Variants in SENP6 observed in about 807,000 individuals in gnomAD.
SENP6 encodes the protein sentrin-specific protease 6.
In SENP6, 41 loss-of-function variants were observed where a neutral mutation model predicts 134.5. The ratio of observed to expected loss-of-function variants is 0.30; its 90% CI spans 0.24 to 0.40. SENP6 has a LOEUF of 0.40. Ranked by LOEUF, SENP6 falls within the 10% of genes least tolerant of loss-of-function variation. The pLI is 1.00. For synonymous variants in SENP6, 395 were observed against 429.8 expected (o/e 0.92, Z 1.00); for missense variants, 1,248 against 1,312.5 (o/e 0.95, Z 0.76).
intron 23 of SENP6, among the ~76,000 whole-genome samples, chr6:75,714,581 T>C (rs1438161010): frequency 6.6e-6 from 1 of 152,198 alleles, no homozygotes; most frequent in African/African-American, 2.4e-5. Context: ...CTGCTTTAAA[T>C]CTTATAGTGG....
Position 75,718,055 on chromosome 6 carries a change from T to C in SENP6, c.*2461T>C, listed in dbSNP as rs1776088039. 6.6e-6 allele frequency: 1 copy of C among 152,160 alleles called. No individual in the cohort carries two copies. The highest frequency in any genetic ancestry group is 2.1e-4 in the South Asian group (1 of 4,828). 9.4% of individuals were successfully genotyped at this position (152,160 alleles called of 1,614,324 possible). On this transcript the variant is annotated 3_prime_UTR_variant, in exon 24 of 24. Coordinates refer to ENST00000447266, the MANE Select transcript of SENP6 (RefSeq NM_015571.4). ...AACTTGTGCTTAAACTTTTAGTCAA[T>C]TAAATGTAGGAGGTTTTATTTGAAA...
At chr6:75,693,607 G>T (rs939339493) in intron 16 of SENP6, among the ~76,000 whole-genome samples, 2 of 152,120 alleles carry the variant, frequency 1.3e-5, no homozygotes, top group African/African-American at 4.8e-5. Flanking sequence ...ATTATCTTCT[G>T]TAGGGGCACA....
At chr6:75,645,574 G>T (rs893713193) in intron 6 of SENP6, among the ~76,000 whole-genome samples, 2 of 152,070 alleles carry the variant, frequency 1.3e-5, no homozygotes, top group African/African-American at 2.4e-5. Flanking sequence ...CCAAGATTGC[G>T]CACGCTACTG....
chr6:75,663,555 A>G (rs1771941048), intron 9 of SENP6, 37 bp downstream of exon 9: 6 of 1,495,580 alleles, frequency 4.0e-6, no homozygotes, highest in African/African-American at 2.8e-5. Flanking sequence ...GCTTATATCA[A>G]TCCAGTATTT....
In SENP6 at chr6:75,677,134, A is replaced by G. The variant is rs561416792; in HGVS notation, c.1726A>G (p.Ile576Val). Residue 576 changes from isoleucine (I) to valine (V), a missense_variant, in exon 14 of 24, where the codon ATC (isoleucine) becomes GTC (valine). Physicochemically the swap from Ile to Val is conservative, Grantham distance 29. This residue lies in a region of SENP6 where 733 missense variants were observed against 725.4 expected (regional missense o/e 1.01). Transcript: ENST00000447266. ...TAATGAAATTGGTATAAAGAATAACATCTCCAATTTTTTTGCGAAAATTCC... is the reference window on the plus strand; with the variant it reads ...TAATGAAATTGGTATAAAGAATAACGTCTCCAATTTTTTTGCGAAAATTCC... The part of the protein sequence containing the change: ...IINEIGIKNN[I>V]SNFFAKIPFE... The G allele has an allele frequency of 5.0e-6, 8 of 1,611,114 alleles. No individual in the cohort carries two copies. The highest frequency in any genetic ancestry group is 6.8e-6 in the Non-Finnish European group (8 of 1,177,766).
chr6:75,713,400 A>G (rs1382885054), intron 21 of SENP6, 113 bp from the exon 22 acceptor site: 30 of 855,942 alleles, frequency 3.5e-5, no homozygotes, highest in Non-Finnish European at 5.2e-5. Flanking sequence ...TGAGTCATAC[A>G]AAGGGGATTT....
rs772127609 is a variant in SENP6 at position 75,695,914 on chromosome 6, C to T, written c.2186C>T (p.Thr729Ile). 6.3e-7 allele frequency: 1 copy of T among 1,599,226 alleles called. No individual in the cohort carries two copies. The highest frequency in any genetic ancestry group is 8.5e-7 in the Non-Finnish European group (1 of 1,174,844). The stretch of plus-strand genomic sequence containing the variant: ...AGAGAGAGGAGAAATCATGAAACAA[C>T]TAATCTGTCGTAAGTCAAACTCTGA... ...NQRERRNHET[T>I]NLSIQQKRHG... is the part of the protein sequence containing the mutation. Residue 729 changes from threonine (T) to isoleucine (I), a missense_variant, in exon 17 of 24, where the codon ACT becomes ATT. Around this residue, in one of 3 missense-constraint regions of SENP6, gnomAD observed 129 missense variants for 192.0 expected, o/e 0.67. Coordinates refer to ENST00000447266, the MANE Select transcript of SENP6 (RefSeq NM_015571.4).
intron 20 of SENP6, among the ~76,000 whole-genome samples, chr6:75,710,654 C>T (rs931311316): frequency 6.6e-6 from 1 of 152,140 alleles, no homozygotes; most frequent in Non-Finnish European, 1.5e-5. Flanking sequence ...TTGGTTATAG[C>T]AGTTACCTGT....
intron 16 of SENP6, chr6:75,679,692 T>G (rs1773331522): frequency 6.6e-6 from 1 of 152,220 alleles, no homozygotes; most frequent in Non-Finnish European, 1.5e-5. Flanking sequence ...TGTATACACC[T>G]ATGTGCAATG....
At chr6:75,689,323 G>T (rs187302716) in intron 16 of SENP6, among the ~76,000 whole-genome samples, 1 of 152,250 alleles carries the variant, frequency 6.6e-6, no homozygotes, top group East Asian at 1.9e-4. Flanking sequence ...GCATATGAAA[G>T]ATGCTCAACA....
Position 75,602,425 on chromosome 6 carries a change from C to T in SENP6, c.-100C>T, listed in dbSNP as rs1766693748. 7.2e-7 allele frequency: 1 copy of T among 1,386,610 alleles called. No individual in the cohort carries two copies. The highest frequency in any genetic ancestry group is 1.4e-5 in the African/African-American group (1 of 69,846). 85.9% of individuals were successfully genotyped at this position (1,386,610 alleles called of 1,614,324 possible). A position where few individuals can be genotyped will look rare whatever the true frequency, so the allele number is the denominator to read the frequency against. On this transcript the variant is annotated 5_prime_UTR_variant, in exon 1 of 24. Transcript: ENST00000447266. Reference sequence around the variant, plus strand: ...GACGGCTGAGCCCGAGGCCCGCAACCCTGCGGCGTCTACCCTCCTCCGGCG... The same window carrying T: ...GACGGCTGAGCCCGAGGCCCGCAACTCTGCGGCGTCTACCCTCCTCCGGCG...
intron 11 of SENP6, among the ~76,000 whole-genome samples, chr6:75,674,488 A>G (rs1772934738): frequency 6.6e-6 from 1 of 152,054 alleles, no homozygotes; most frequent in Non-Finnish European, 1.5e-5. Context: ...CGCCTGGCTA[A>G]TTTTTTATAC....
intron 1 of SENP6, among the ~76,000 whole-genome samples, chr6:75,617,905 C>T (rs190422914): frequency 1.3e-5 from 2 of 152,204 alleles, no homozygotes; most frequent in African/African-American, 4.8e-5. Flanking sequence ...TACAGTGTCC[C>T]TCAGGTTGGG....
chr6:75,707,355 C>CTTTTTTTTT (rs10564996), intron 19 of SENP6, among the ~76,000 whole-genome samples: 16 of 74,700 alleles, frequency 2.1e-4, no homozygotes, highest in African/African-American at 4.7e-4. Flanking sequence ...TCTTCTTCTT[C>CTTTTTTTTT]TTTTTTTTTT....
chr6:75,606,669 C>G (rs1767052296), intron 1 of SENP6, among the ~76,000 whole-genome samples: 1 of 152,102 alleles, frequency 6.6e-6, no homozygotes, highest in South Asian at 2.1e-4. Context: ...CCAAAATCCT[C>G]CAGAATTTGA....
At chr6:75,673,319 C>CTTTTTTT (rs373435139) in intron 11 of SENP6, among the ~76,000 whole-genome samples, 1 of 116,956 alleles carries the variant, frequency 8.6e-6, no homozygotes, top group Non-Finnish European at 1.7e-5. Context: ...CCAATGTCTA[C>CTTTTTTT]TTTTTTTTTT....
chr6:75,684,038 A>G (rs1284090726), intron 16 of SENP6, among the ~76,000 whole-genome samples: 1 of 151,992 alleles, frequency 6.6e-6, no homozygotes, highest in Non-Finnish European at 1.5e-5. Context: ...AGAATGGAAT[A>G]TTCTTCCATT....
chr6:75,679,259 T>G, intron 16 of SENP6: 1 of 220,504 alleles, frequency 4.5e-6, no homozygotes. Context: ...ACAAAAAATT[T>G]AAAAATTAGC....
chr6:75,674,218 G>A (rs1217782279), intron 11 of SENP6, among the ~76,000 whole-genome samples: 1 of 145,118 alleles, frequency 6.9e-6, no homozygotes, highest in East Asian at 2.0e-4. Flanking sequence ...GTTCAGTGCT[G>A]CAGTCATAGC....
Sources: gnomAD v4.1 joint callset for allele counts (sites outside exome capture counted in the v4.1 genomes callset) on GRCh38, gnomAD v4.1.1 for gene constraint, gnomAD v4.1.1 regional missense constraint, MANE v1.5 for transcripts, NCBI Gene and HGNC (gene_info 2026-07-23, HGNC 2026-07-21) for gene names.